Variants in GALNT15 observed in about 807,000 individuals in gnomAD.
GALNT15 encodes the protein polypeptide N-acetylgalactosaminyltransferase 15, also known as UDP-GalNAc transferase T15.
GALNT15 carries 67 observed loss-of-function variants against 66.8 expected under a neutral mutation model. The ratio of observed to expected loss-of-function variants is 1.00; its 90% confidence interval spans 0.82 to 1.23. The LOEUF (loss-of-function observed/expected upper bound fraction) is 1.23. Ranked by LOEUF, GALNT15 falls within the 50% of genes most tolerant of loss-of-function variation. The probability of loss-of-function intolerance (pLI) is 0.00; values close to 1 mark genes in which losing one functional copy is unlikely to be tolerated. For missense variants in GALNT15, 827 were observed against 804.3 expected (o/e 1.03, Z -0.34); for synonymous variants, 313 against 311.5 (o/e 1.00, Z -0.05).
Position 16,227,857 on chromosome 3 carries a change from A to G in GALNT15, c.*357A>G. ...AGCACCTCCAGGATACATAAATTCA[A>G]TGGATCAATTTATTTGTCTTCAAAT... On this transcript the variant is annotated 3_prime_UTR_variant, in exon 10 of 10. Transcript: ENST00000339732. The surrounding 1 kb of genome is among the most constrained non-coding windows in gnomAD (Gnocchi z 4.5). 5.8e-6 allele frequency: 6 copies of G among 1,036,720 alleles called. No homozygotes were observed. The South Asian group carries it at 2.2e-4, about 38-fold the overall frequency. 64.2% of individuals were successfully genotyped at this position (1,036,720 alleles called of 1,614,324 possible).
At chr3:16,206,923 A>AGGCTCTGGAAGG (rs1228600258) in intron 3 of GALNT15, among the ~76,000 whole-genome samples, 1 of 152,104 alleles carries the variant, frequency 6.6e-6, no homozygotes, top group African/African-American at 2.4e-5. Flanking sequence ...CAGTAAGTGG[A>AGGCTCTGGAAGG]GGCTCTGGAA....
Position 16,212,650 on chromosome 3 carries a change from C to T in GALNT15, c.1279C>T (p.Pro427Ser), listed in dbSNP as rs2063829444. The T allele has an allele frequency of 1.2e-6, 2 of 1,613,860 alleles. No individual in the cohort carries two copies. Among genetic ancestry groups the T allele is most frequent in the African/African-American group, 1.3e-5 (1 of 74,884 alleles). Reference protein sequence around the residue: ...HIYQNQDSHSPLDQEATLRNR... With the variant: ...HIYQNQDSHSSLDQEATLRNR... ...CTACCAAAATCAGGATTCCCATTCC[C>T]CCCTCGACCAGGAGGCCACCCTGAG... Residue 427 changes from proline to serine, a missense_variant, in exon 6 of 10, where the codon CCC becomes TCC. By Grantham distance (74) the Pro-to-Ser change is moderately conservative (BLOSUM62 -1). Transcript: ENST00000339732.
chr3:16,214,599 T>C (rs890603254), intron 6 of GALNT15, among the ~76,000 whole-genome samples: 1 of 151,950 alleles, frequency 6.6e-6, no homozygotes, highest in African/African-American at 2.4e-5. Flanking sequence ...AGGCCCTGGG[T>C]GGGTCCTGCA....
In GALNT15 at chr3:16,228,024, A is replaced by G. The variant is rs2064041538; in HGVS notation, c.*524A>G. ...ATTTGTTGAGCCATATCTCAGAAGAAGGAAAGGGAGCTACAGAAAGGAGGT... is the reference window on the plus strand; with the variant it reads ...ATTTGTTGAGCCATATCTCAGAAGAGGGAAAGGGAGCTACAGAAAGGAGGT... On this transcript the variant is annotated 3_prime_UTR_variant, in exon 10 of 10. Coordinates refer to ENST00000339732, the MANE Select transcript of GALNT15 (RefSeq NM_054110.5). 1.0e-6 allele frequency: 1 copy of G among 987,434 alleles called. No individual in the cohort carries two copies. Among genetic ancestry groups the G allele is most frequent in the Admixed American group, 6.1e-5 (1 of 16,322 alleles). The allele number at this position is 987,434 out of a possible 1,614,324, so 61.2% of individuals were successfully genotyped here.
At chr3:16,232,418 A>G (rs2064089931), downstream of GALNT15, among the ~76,000 whole-genome samples, 1 of 143,294 alleles carries the variant, frequency 7.0e-6, no homozygotes, top group African/African-American at 2.6e-5. Context: ...ACAAAACCAA[A>G]ACAAAAATTA....
At chr3:16,240,318 C>T in the GALNT15 span, among the ~76,000 whole-genome samples, 1 of 152,212 alleles carries the variant, frequency 6.6e-6, no homozygotes, top group Admixed American at 6.5e-5. Context: ...ACCAAGGTCA[C>T]ACCTCTAGGG....
chr3:16,177,502 A>G (rs2063422434), intron 1 of GALNT15, among the ~76,000 whole-genome samples: 1 of 152,200 alleles, frequency 6.6e-6, no homozygotes, highest in Non-Finnish European at 1.5e-5. Context: ...ATGTATGTGT[A>G]GTACATGCAG....
Position 16,200,724 on chromosome 3 carries a change from C to T in GALNT15, c.812C>T (p.Ala271Val), listed in dbSNP as rs760414905. ...LGAIRARMLG[A>V]TRATGDVLVF... is the part of the protein sequence containing the mutation. ...GCCATCAGGGCCCGGATGCTGGGGG[C>T]CACCAGAGCCACCGGGGATGTGCTC... The change falls in exon 3 of 10, where the codon GCC (alanine) becomes GTC (valine). Residue 271 changes from alanine (A) to valine (V), a missense_variant. Transcript: ENST00000339732. The surrounding 1 kb of genome is among the most constrained non-coding windows in gnomAD (Gnocchi z 4.4). 1.9e-5 allele frequency: 31 copies of T among 1,611,956 alleles called. No homozygotes were observed. Among genetic ancestry groups the T allele is most frequent in the Non-Finnish European group, 2.4e-5 (28 of 1,179,084 alleles).
chr3:16,209,420 G>A lies in GALNT15; in HGVS notation c.1079+750G>A, dbSNP rs1276488865. 1.3e-5 allele frequency among the ~76,000 whole-genome samples: 2 copies of A among 152,170 alleles called. No homozygotes were observed. Among genetic ancestry groups the A allele is most frequent in the African/African-American group, 4.8e-5 (2 of 41,442 alleles). ...ACCCAGACAGCCAGGCCCTTGAGACGACTGCTTCACTGCTATGCTATATTT... is the reference window on the plus strand; with the variant it reads ...ACCCAGACAGCCAGGCCCTTGAGACAACTGCTTCACTGCTATGCTATATTT... On this transcript the variant is annotated intron_variant, in intron 4 of 9. Transcript: ENST00000339732. The surrounding 1 kb of genome is among the most constrained non-coding windows in gnomAD (Gnocchi z 4.1).
chr3:16,229,192 A>G lies in GALNT15; in HGVS notation c.*1692A>G. ...GCAGTGTTTCCAAACAATACCTATC[A>G]TAACTACGTATTCATTGTCTACCTG... On this transcript the variant is annotated 3_prime_UTR_variant, in exon 10 of 10. Coordinates refer to ENST00000339732, the MANE Select transcript of GALNT15 (RefSeq NM_054110.5). 1.0e-6 allele frequency: 1 copy of G among 985,332 alleles called. No individual in the cohort carries two copies. The highest frequency in any genetic ancestry group is 1.2e-6 in the Non-Finnish European group (1 of 829,826). The allele number at this position is 985,332 out of a possible 1,614,324, so 61.0% of individuals were successfully genotyped here. A position where few individuals can be genotyped will look rare whatever the true frequency, so the allele number is the denominator to read the frequency against.
At chr3:16,215,923 A>G (rs1255455819) in intron 6 of GALNT15, among the ~76,000 whole-genome samples, 13 of 133,688 alleles carry the variant, frequency 9.7e-5, no homozygotes, top group East Asian at 2.3e-4. Flanking sequence ...AAAAAAAAAA[A>G]AAGAAGAGGA....
chr3:16,210,870 G>A (rs2063805610), intron 4 of GALNT15, among the ~76,000 whole-genome samples: 1 of 152,216 alleles, frequency 6.6e-6, no homozygotes, highest in Non-Finnish European at 1.5e-5. Context: ...TGGTCCCTAG[G>A]CCCTCTCTAG....
In GALNT15 at chr3:16,184,107, G is replaced by A. The variant is rs2063495861; in HGVS notation, c.539+8417G>A. On this transcript the variant is annotated intron_variant, in intron 1 of 9. Coordinates refer to ENST00000339732, the MANE Select transcript of GALNT15 (RefSeq NM_054110.5). This position sits in a 1 kb window ranked among gnomAD's most constrained non-coding sequence, Gnocchi z 5.0. ...AGGGATTAAGCCCAGGTTGATTTGA[G>A]TCCAAAGCCCTTGGTTGTTCCTGTC... 6.6e-6 allele frequency among the ~76,000 whole-genome samples: 1 copy of A among 152,148 alleles called. No individual in the cohort carries two copies. The highest frequency in any genetic ancestry group is 1.5e-5 in the Non-Finnish European group (1 of 68,024).
At position 16,186,330 on chromosome 3, in the gene GALNT15, A is replaced by G. The variant is rs1002631443; in HGVS notation, c.540-9430A>G. 3.9e-5 allele frequency among the ~76,000 whole-genome samples: 6 copies of G among 152,198 alleles called. No individual in the cohort carries two copies. Among genetic ancestry groups the G allele is most frequent in the Admixed American group, 1.3e-4 (2 of 15,280 alleles). On this transcript the variant is annotated intron_variant, in intron 1 of 9. Transcript: ENST00000339732. This position sits in a 1 kb window ranked among gnomAD's most constrained non-coding sequence, Gnocchi z 5.1. ...TGTGGAGAAATTGGAACCCTCACAC[A>G]TTGCTGGTGGGATTGTAAAATGGTG...
rs1033174023 is a variant in GALNT15 at position 16,227,815 on chromosome 3, C to T, written c.*315C>T. On this transcript the variant is annotated 3_prime_UTR_variant, in exon 10 of 10. Transcript: ENST00000339732. The surrounding 1 kb of genome is among the most constrained non-coding windows in gnomAD (Gnocchi z 4.5). ...CACTTAACAATTGCTTTCTCTCTGG[C>T]CTGGACATTCTCTGGCAGCACCTCC... 1 of 1,098,788 alleles carries T rather than the reference C, an allele frequency of 9.1e-7. No individual in the cohort carries two copies. Among genetic ancestry groups the T allele is most frequent in the African/African-American group, 1.7e-5 (1 of 59,576 alleles). 68.1% of individuals were successfully genotyped at this position (1,098,788 alleles called of 1,614,324 possible).
At chr3:16,244,563 T>G in the GALNT15 span, among the ~76,000 whole-genome samples, 230 of 152,314 alleles carry the variant, frequency 1.5e-3, 5 homozygotes, top group East Asian at 0.033. Context: ...TTTAAGGAAG[T>G]CAGCACAGTT....
chr3:16,197,137 G>C (rs1197667479), intron 2 of GALNT15, among the ~76,000 whole-genome samples: 2 of 152,228 alleles, frequency 1.3e-5, no homozygotes, highest in Admixed American at 1.3e-4. Flanking sequence ...GTCCGCCCAA[G>C]AGCACACCTG....
At chr3:16,217,839 G>A (rs1269773161) in intron 6 of GALNT15, among the ~76,000 whole-genome samples, 2 of 152,156 alleles carry the variant, frequency 1.3e-5, no homozygotes, top group Admixed American at 6.5e-5. Context: ...AAAGGTCTAC[G>A]GAGGTCTCAA....
At chr3:16,178,780 G>T (rs57782192) in intron 1 of GALNT15, among the ~76,000 whole-genome samples, 1 of 152,158 alleles carries the variant, frequency 6.6e-6, no homozygotes, top group Non-Finnish European at 1.5e-5. Context: ...TGCAGTATGC[G>T]GGCCCTGCAC....
Sources: allele counts gnomAD v4.1 joint callset (sites outside exome capture counted in the v4.1 genomes callset), GRCh38; gene constraint gnomAD v4.1.1; non-coding constraint Gnocchi (gnomAD v3.1); transcripts MANE v1.5; gene names NCBI Gene and HGNC (gene_info 2026-07-23, HGNC 2026-07-21).